Variants in SMTNL2 observed in about 807,000 individuals in gnomAD.
SMTNL2 encodes the protein smoothelin-like protein 2.
In SMTNL2, 43 loss-of-function variants were observed where a neutral mutation model predicts 44.1. The observed-to-expected ratio is 0.98, with a 90% CI of 0.76 to 1.26. The LOEUF (loss-of-function observed/expected upper bound fraction) is 1.26, where lower values mean the gene tolerates loss of function less well. Among genes scored for constraint, SMTNL2 ranks in the 50% most tolerant of loss-of-function variants. SMTNL2 has a pLI of 0.00. For synonymous variants in SMTNL2, 317 were observed against 287.6 expected (o/e 1.10, Z -1.03); for missense variants, 646 against 670.2 (o/e 0.96, Z 0.40).
At chr17:4,591,898 C>T (rs905456214) in intron 1 of SMTNL2, among the ~76,000 whole-genome samples, 1 of 152,242 alleles carries the variant, frequency 6.6e-6, no homozygotes, top group Non-Finnish European at 1.5e-5. Flanking sequence ...GCAAAGATCT[C>T]ATCGTGATCA....
In SMTNL2 at chr17:4,592,866, G is replaced by A; in HGVS notation, c.488-63G>A. On this transcript the variant is annotated intron_variant, in intron 2 of 7. Transcript: ENST00000389313. The surrounding 1 kb of genome is among the most constrained non-coding windows in gnomAD (Gnocchi z 4.5). ...CCCAGGGAGGCTAGAGCCCTCCTGGGAGGTCCCAGGCCCCTGTGGCTGCCA... is the reference window on the plus strand; with the variant it reads ...CCCAGGGAGGCTAGAGCCCTCCTGGAAGGTCCCAGGCCCCTGTGGCTGCCA... 1 of 1,561,828 alleles carries A rather than the reference G, an allele frequency of 6.4e-7. No individual in the cohort carries two copies. The highest frequency in any genetic ancestry group is 8.7e-7 in the Non-Finnish European group (1 of 1,150,382).
intron 7 of SMTNL2, among the ~76,000 whole-genome samples, chr17:4,601,856 C>G (rs1910047872): frequency 6.6e-6 from 1 of 152,032 alleles, no homozygotes. Flanking sequence ...ATCATTTTTA[C>G]AAAAGCAGTT....
Position 4,584,710 on chromosome 17 carries a change from G to C in SMTNL2, c.105G>C (p.Met35Ile), listed in dbSNP as rs550789809. ...EGAVRALHED[M>I]RGLQRGVERR... is the part of the protein sequence containing the mutation. The stretch of plus-strand genomic sequence containing the variant: ...CGGTGCGCGCGCTGCACGAGGACAT[G>C]CGGGGGCTGCAGCGCGGCGTGGAGC... Residue 35 changes from methionine (M) to isoleucine (I), a missense_variant, in exon 1 of 8, where the codon ATG (methionine) becomes ATC (isoleucine). Transcript: ENST00000389313. 1.1e-3 allele frequency: 1,461 copies of C among 1,301,144 alleles called. 3 individuals carry two copies. The highest frequency in any genetic ancestry group is 2.7e-3 in the Admixed American group (65 of 24,336). 80.6% of individuals were successfully genotyped at this position (1,301,144 alleles called of 1,614,324 possible).
chr17:4,593,255 T>G, intron 3 of SMTNL2, 84 bp downstream of exon 3: 1 of 1,486,708 alleles, frequency 6.7e-7, no homozygotes, highest in Non-Finnish European at 8.9e-7. Context: ...AGGGAGTCGG[T>G]GGGTGACATG....
At position 4,607,389 on chromosome 17, in the gene SMTNL2, G is replaced by C. The variant is rs148037378; in HGVS notation, c.1288G>C (p.Glu430Gln). 6.2e-7 allele frequency: 1 copy of C among 1,614,174 alleles called. No individual in the cohort carries two copies. Among genetic ancestry groups the C allele is most frequent in the Non-Finnish European group, 8.5e-7 (1 of 1,180,024 alleles). ...TCTGGCCAACTGTGAGCGCCTCATCGAAGTGGAGGACATGATGGTGATGGG... is the reference window on the plus strand; with the variant it reads ...TCTGGCCAACTGTGAGCGCCTCATCCAAGTGGAGGACATGATGGTGATGGG... ...ENLANCERLIEVEDMMVMGRK... is the reference protein window; with the variant it reads ...ENLANCERLIQVEDMMVMGRK... The change falls in exon 8 of 8, where the codon GAA becomes CAA. Residue 430 changes from glutamate to glutamine, a missense_variant. Transcript: ENST00000389313. This position sits in a 1 kb window ranked among gnomAD's most constrained non-coding sequence, Gnocchi z 4.7.
In SMTNL2 at chr17:4,584,921, C is replaced by G; in HGVS notation, c.316C>G (p.Pro106Ala). Residue 106 changes from proline (P) to alanine (A), a missense_variant, in exon 1 of 8, where the codon CCC becomes GCC. Transcript: ENST00000389313. The part of the protein sequence containing the change: ...TPGTPSPPPA[P>A]GVPDRAPRLG... Reference sequence around the variant, plus strand: ...CGGCACGCCCAGCCCCCCGCCCGCGCCCGGGGTTCCCGACCGCGCGCCCCG... The same window carrying G: ...CGGCACGCCCAGCCCCCCGCCCGCGGCCGGGGTTCCCGACCGCGCGCCCCG... The G allele has an allele frequency of 7.7e-7, 1 of 1,301,152 alleles. No individual in the cohort carries two copies. The highest frequency in any genetic ancestry group is 9.7e-7 in the Non-Finnish European group (1 of 1,030,608). 80.6% of individuals were successfully genotyped at this position (1,301,152 alleles called of 1,614,324 possible).
At chr17:4,597,013 C>G in intron 6 of SMTNL2, 36 bp downstream of exon 6, 1 of 1,478,468 alleles carries the variant, frequency 6.8e-7, no homozygotes, top group Non-Finnish European at 9.0e-7. Context: ...CTGGGACGCC[C>G]CAGCTAAAAG....
At position 4,594,652 on chromosome 17, in the gene SMTNL2, TC is replaced by T. The variant is rs557856982; in HGVS notation, c.807-487del. Among the ~76,000 whole-genome samples, 389 of 150,702 alleles carry T rather than the reference TC, an allele frequency of 2.6e-3. 1 individual carries two copies. Among genetic ancestry groups the T allele is most frequent in the Middle Eastern group, 0.011 (3 of 280 alleles). On this transcript the variant is annotated intron_variant, in intron 4 of 7. Transcript: ENST00000389313. Reference sequence around the variant, plus strand: ...CAGGTCCTTCCCTGTGGCACAGGCCTCCCCCCAGCCAGCCAGCGGGACTGTG... The same window carrying T: ...CAGGTCCTTCCCTGTGGCACAGGCCTCCCCCAGCCAGCCAGCGGGACTGTG...
chr17:4,584,265 G>A (rs1165134304), upstream of SMTNL2, among the ~76,000 whole-genome samples: 3 of 152,226 alleles, frequency 2.0e-5, no homozygotes, highest in South Asian at 2.1e-4. Context: ...CAGCCCGGGT[G>A]TGCTCTCTAC....
At position 4,593,260 on chromosome 17, in the gene SMTNL2, G is replaced by A. The variant is rs1567633724; in HGVS notation, c.730+89G>A. The A allele has an allele frequency of 3.9e-5, 58 of 1,483,448 alleles. 1 individual carries two copies. In the South Asian group the frequency reaches 7.5e-4, roughly 19 times the overall value. 91.9% of individuals were successfully genotyped at this position (1,483,448 alleles called of 1,614,324 possible). On this transcript the variant is annotated intron_variant, in intron 3 of 7. Coordinates refer to ENST00000389313, the MANE Select transcript of SMTNL2 (RefSeq NM_001114974.2). Reference sequence around the variant, plus strand: ...GGCTGGGGAGAGGGAGTCGGTGGGTGACATGGAAAACGAGGGGCTAAGCCC... The same window carrying A: ...GGCTGGGGAGAGGGAGTCGGTGGGTAACATGGAAAACGAGGGGCTAAGCCC...
At position 4,607,325 on chromosome 17, in the gene SMTNL2, T is replaced by G. The variant is rs1910318554; in HGVS notation, c.1260-36T>G. ...CGCGGCTGTGGGGCTGGCTGATGGCTGGGACCACCGTTCTGACGGGGCTTG... is the reference window on the plus strand; with the variant it reads ...CGCGGCTGTGGGGCTGGCTGATGGCGGGGACCACCGTTCTGACGGGGCTTG... On this transcript the variant is annotated intron_variant, in intron 7 of 7. Transcript: ENST00000389313. This position sits in a 1 kb window ranked among gnomAD's most constrained non-coding sequence, Gnocchi z 4.7. 2 of 1,611,596 alleles carry G rather than the reference T, an allele frequency of 1.2e-6. No individual in the cohort carries two copies. Among genetic ancestry groups the G allele is most frequent in the Non-Finnish European group, 1.7e-6 (2 of 1,178,258 alleles).
rs770167980 is a variant in SMTNL2, at chr17:4,592,444, G to T, written c.483G>T (p.Gly161=). 1 of 1,612,564 alleles carries T rather than the reference G, an allele frequency of 6.2e-7. No homozygotes were observed. Among genetic ancestry groups the T allele is most frequent in the Non-Finnish European group, 8.5e-7 (1 of 1,179,590 alleles). ...SCIMENGHQP[G]AGPGDGPPEI... is the part of the protein sequence containing the mutation. ...TCATGGAAAATGGGCACCAGCCGGG[G>T]GCAGGTAGGGCTGACGGCAGAGGAG... Residue 161 remains glycine, a synonymous_variant, in exon 2 of 8, where the codon GGG becomes GGT. Coordinates refer to ENST00000389313, the MANE Select transcript of SMTNL2 (RefSeq NM_001114974.2). This position sits in a 1 kb window ranked among gnomAD's most constrained non-coding sequence, Gnocchi z 4.5.
At position 4,607,119 on chromosome 17, in the gene SMTNL2, G is replaced by C. The variant is rs576175731; in HGVS notation, c.1260-242G>C. ...AACCCAAATTAAATAAAGTAAGTCT[G>C]TTTAAATGAAAACATGAATTGTACA... On this transcript the variant is annotated intron_variant, in intron 7 of 7. Coordinates refer to ENST00000389313, the MANE Select transcript of SMTNL2 (RefSeq NM_001114974.2). This position sits in a 1 kb window ranked among gnomAD's most constrained non-coding sequence, Gnocchi z 4.7. Among the ~76,000 whole-genome samples, 1 of 152,258 alleles carries C rather than the reference G, an allele frequency of 6.6e-6. No homozygotes were observed. Among genetic ancestry groups the C allele is most frequent in the Admixed American group, 6.5e-5 (1 of 15,288 alleles).
At chr17:4,596,005 C>T (rs373684526) in intron 5 of SMTNL2, among the ~76,000 whole-genome samples, 5,101 of 93,432 alleles carry the variant, frequency 0.055, 64 homozygotes, top group Non-Finnish European at 0.081. Context: ...GGTATTGATG[C>T]CTGCTGTGTG....
intron 1 of SMTNL2, among the ~76,000 whole-genome samples, chr17:4,590,703 C>T (rs1000921554): frequency 1.3e-5 from 2 of 152,218 alleles, no homozygotes; most frequent in South Asian, 2.1e-4. Context: ...CCCAAAGCTC[C>T]GAGTCCTTCT....
rs778357646 is a variant in SMTNL2 at position 4,596,944 on chromosome 17, C to G, written c.1074C>G (p.Leu358=). Residue 358 remains leucine, a synonymous_variant, in exon 6 of 8, where the codon CTC becomes CTG. Transcript: ENST00000389313. ...ASASSIKQIL[L]EWCRSKTLGY... ...CCAGCAGCATCAAGCAGATCCTGCT[C>G]GAGTGGTGCCGCAGCAAGACGCTGG... The G allele has an allele frequency of 6.6e-7, 1 of 1,525,688 alleles. No homozygotes were observed. The highest frequency in any genetic ancestry group is 8.8e-7 in the Non-Finnish European group (1 of 1,130,074). 94.5% of individuals were successfully genotyped at this position (1,525,688 alleles called of 1,614,324 possible).
Position 4,595,175 on chromosome 17 carries a change from C to G in SMTNL2, c.837C>G (p.Pro279=), listed in dbSNP as rs906778747. ...CGCTGGTGACACCACCCCAGTCGCC[C>G]GTGTCCCCGCAGCCGCCAGCCATAA... ...SPPLVTPPQS[P]VSPQPPAITQ... is the part of the protein sequence containing the mutation. The change falls in exon 5 of 8, where the codon CCC becomes CCG. Residue 279 remains proline, a synonymous_variant. Transcript: ENST00000389313. This position sits in a 1 kb window ranked among gnomAD's most constrained non-coding sequence, Gnocchi z 5.1. The G allele has an allele frequency of 6.2e-7, 1 of 1,613,156 alleles. No homozygotes were observed. The highest frequency in any genetic ancestry group is 1.7e-5 in the Admixed American group (1 of 60,020).
At chr17:4,589,366 G>A (rs1161274709) in intron 1 of SMTNL2, among the ~76,000 whole-genome samples, 1 of 152,082 alleles carries the variant, frequency 6.6e-6, no homozygotes, top group African/African-American at 2.4e-5. Flanking sequence ...GGGGCACGGA[G>A]ACCCCAGAGC....
chr17:4,595,992 C>G lies in SMTNL2; in HGVS notation c.989+665C>G, dbSNP rs539754609. Among the ~76,000 whole-genome samples the G allele has an allele frequency of 3.1e-5, 4 of 130,114 alleles. No individual in the cohort carries two copies. The highest frequency in any genetic ancestry group is 4.8e-4 in the South Asian group (2 of 4,134). 85.4% of individuals were successfully genotyped at this position (130,114 alleles called of 152,430 possible). ...TGCTGTGTGCAGGGTGTGGCCCACG[C>G]GTGGTATTGATGCCTGCTGTGTGCA... is the stretch of plus-strand genomic sequence containing the variant. On this transcript the variant is annotated intron_variant, in intron 5 of 7. Transcript: ENST00000389313. The surrounding 1 kb of genome is among the most constrained non-coding windows in gnomAD (Gnocchi z 5.1).
Sources: gnomAD v4.1 joint callset for allele counts (sites outside exome capture counted in the v4.1 genomes callset) on GRCh38, gnomAD v4.1.1 for gene constraint, Gnocchi (gnomAD v3.1) non-coding constraint, MANE v1.5 for transcripts, NCBI Gene and HGNC (gene_info 2026-07-23, HGNC 2026-07-21) for gene names.